Variants in CTNNA2 observed in about 807,000 individuals in gnomAD.
CTNNA2 encodes catenin alpha-2.
In CTNNA2, 42 loss-of-function variants were observed where a neutral mutation model predicts 101.0. The ratio of observed to expected loss-of-function variants is 0.42; its 90% CI spans 0.32 to 0.54. The LOEUF (loss-of-function observed/expected upper bound fraction) is 0.54, where lower values mean the gene tolerates loss of function less well. Among genes scored for constraint, CTNNA2 ranks in the 20% least tolerant of loss-of-function variants. The probability of loss-of-function intolerance (pLI) is 0.14; values close to 1 mark genes in which losing one functional copy is unlikely to be tolerated. For missense variants in CTNNA2, 871 were observed against 1,223.1 expected (o/e 0.71, Z 4.29); for synonymous variants, 450 against 456.4 (o/e 0.99, Z 0.18).
intron 7 of CTNNA2, among the ~76,000 whole-genome samples, chr2:80,206,988 G>T (rs1707573274): frequency 6.6e-6 from 1 of 152,044 alleles, no homozygotes. Flanking sequence ...TGTGTTCTAG[G>T]GTGGGCATCT....
chr2:80,079,847 T>TAAAATAAAATAAAATA (rs1444643176), intron 7 of CTNNA2, among the ~76,000 whole-genome samples: 2 of 86,870 alleles, frequency 2.3e-5, no homozygotes, highest in African/African-American at 4.6e-5. Context: ...TAAAATAAAA[T>TAAAATAAAATAAAATA]AAAATAAAAT....
chr2:79,816,070 A>T (rs1240218914), intron 3 of CTNNA2, among the ~76,000 whole-genome samples: 1 of 151,958 alleles, frequency 6.6e-6, no homozygotes, highest in Non-Finnish European at 1.5e-5. Context: ...CTGTTGGTGT[A>T]TAGAAGAGCT....
intron 4 of CTNNA2, among the ~76,000 whole-genome samples, chr2:79,391,975 G>A (rs1021184531): frequency 6.6e-6 from 1 of 152,104 alleles, no homozygotes; most frequent in Non-Finnish European, 1.5e-5. Context: ...CTTCCCTGGT[G>A]TCTCTGTGTG....
intron 3 of CTNNA2, among the ~76,000 whole-genome samples, chr2:79,849,576 A>C (rs970764273): frequency 1.3e-5 from 2 of 152,124 alleles, no homozygotes; most frequent in African/African-American, 2.4e-5. Context: ...GGTGAAATGC[A>C]TGTATAGCTC....
At chr2:80,249,247 T>C (rs539523522) in intron 7 of CTNNA2, among the ~76,000 whole-genome samples, 2 of 152,308 alleles carry the variant, frequency 1.3e-5, no homozygotes, top group Admixed American at 6.5e-5. Context: ...TATGATAGAG[T>C]TCTAAAGAAC....
chr2:79,863,457 C>T (rs774628555), intron 4 of CTNNA2, among the ~76,000 whole-genome samples: 7 of 152,074 alleles, frequency 4.6e-5, no homozygotes, highest in Non-Finnish European at 7.4e-5. Flanking sequence ...TTCAATAAGT[C>T]GGAGTCTCAA....
At chr2:79,254,981 T>G (rs181720638) in intron 2 of CTNNA2, among the ~76,000 whole-genome samples, 1 of 152,262 alleles carries the variant, frequency 6.6e-6, no homozygotes, top group East Asian at 1.9e-4. Context: ...ATGGTTTAGC[T>G]GAAGCAGAAT....
intron 2 of CTNNA2, among the ~76,000 whole-genome samples, chr2:79,227,564 A>G (rs1674436369): frequency 6.6e-6 from 1 of 152,230 alleles, no homozygotes; most frequent in Non-Finnish European, 1.5e-5. Flanking sequence ...ACAATAAAAC[A>G]CATATCAAAG....
At chr2:80,516,363 G>A (rs577713965) in intron 9 of CTNNA2, among the ~76,000 whole-genome samples, 21 of 152,210 alleles carry the variant, frequency 1.4e-4, no homozygotes, top group Non-Finnish European at 2.5e-4. Flanking sequence ...ATTTCCATGC[G>A]GTCCTTACCG....
At chr2:79,512,756 C>G (rs1219112062), upstream of CTNNA2, among the ~76,000 whole-genome samples, 1 of 151,620 alleles carries the variant, frequency 6.6e-6, no homozygotes, top group Admixed American at 6.6e-5. Flanking sequence ...TGCCGCGCCT[C>G]CAGAGCTCCG....
chr2:80,409,977 T>C (rs983398373), intron 8 of CTNNA2, among the ~76,000 whole-genome samples: 21 of 152,240 alleles, frequency 1.4e-4, no homozygotes, highest in African/African-American at 3.9e-4. Flanking sequence ...GTGTTTTTCA[T>C]TGAGTACATT....
In CTNNA2 at chr2:80,302,881, C is replaced by G. The variant is rs1676490774; in HGVS notation, c.1057-90330C>G. 1.2e-6 allele frequency: 2 copies of G among 1,614,116 alleles called. No individual in the cohort carries two copies. The stretch of plus-strand genomic sequence containing the variant: ...CGTTGCGCCCGCAATCCCACAGGTT[C>G]CCGGCCAGGGTGATGCTTGTCAGGG... On this transcript the variant is annotated intron_variant, in intron 7 of 18. Transcript: ENST00000402739. This position sits in a 1 kb window ranked among gnomAD's most constrained non-coding sequence, Gnocchi z 6.4.
intron 1 of CTNNA2, chr2:79,185,641 C>T (rs896851854): frequency 6.6e-6 from 1 of 151,832 alleles, no homozygotes; most frequent in Non-Finnish European, 1.5e-5. Context: ...AATTCAATAC[C>T]TAGATAAGTA....
rs536816425 is a variant in CTNNA2, at chr2:79,389,197, T to A, written c.-135+15184T>A. Reference sequence around the variant, plus strand: ...AAATCACCATAAGGGTCTACATTATTTCCCTGAAGTACAAATCTAACTTGC... The same window carrying A: ...AAATCACCATAAGGGTCTACATTATATCCCTGAAGTACAAATCTAACTTGC... On this transcript the variant is annotated intron_variant, in intron 4 of 21. Coordinates refer to the CTNNA2 transcript ENST00000466387. 4.9e-4 allele frequency among the ~76,000 whole-genome samples: 75 copies of A among 152,314 alleles called. 1 individual carries two copies. The highest frequency in any genetic ancestry group is 4.4e-3 in the South Asian group (21 of 4,822).
chr2:80,468,013 T>A (rs1372467065), intron 9 of CTNNA2, among the ~76,000 whole-genome samples: 1 of 152,148 alleles, frequency 6.6e-6, no homozygotes, highest in East Asian at 1.9e-4. Context: ...TTCAAATAAG[T>A]GTTCGATTTT....
intron 1 of CTNNA2, among the ~76,000 whole-genome samples, chr2:79,543,516 G>T (rs1673546635): frequency 6.6e-6 from 1 of 152,182 alleles, no homozygotes; most frequent in Middle Eastern, 3.4e-3. Flanking sequence ...ATACATTTTT[G>T]ACTCACTTAT....
chr2:79,483,006 T>C (rs564592909), intron 4 of CTNNA2, among the ~76,000 whole-genome samples: 1 of 152,350 alleles, frequency 6.6e-6, no homozygotes, highest in African/African-American at 2.4e-5. Context: ...CTGGCAAACC[T>C]GAGCTGGTGC....
intron 4 of CTNNA2, among the ~76,000 whole-genome samples, chr2:79,399,257 G>A (rs1325649587): frequency 3.3e-5 from 5 of 152,000 alleles, no homozygotes; most frequent in Admixed American, 6.6e-5. Flanking sequence ...ATATCCATAG[G>A]AAACTTTGCA....
intron 9 of CTNNA2, among the ~76,000 whole-genome samples, chr2:80,466,846 A>G (rs1274042995): frequency 1.3e-5 from 2 of 152,346 alleles, no homozygotes; most frequent in African/African-American, 4.8e-5. Context: ...TTAGATAACA[A>G]GAGGGCTACA....
Sources: gnomAD v4.1 joint callset for allele counts (sites outside exome capture counted in the v4.1 genomes callset) on GRCh38, gnomAD v4.1.1 for gene constraint, Gnocchi (gnomAD v3.1) non-coding constraint, MANE v1.5 for transcripts, NCBI Gene and HGNC (gene_info 2026-07-23, HGNC 2026-07-21) for gene names.